IQCM: variants seen among roughly 807,000 people sequenced by gnomAD.
The protein encoded by IQCM is IQ motif containing M, also known as IQ domain-containing protein M.
Under a neutral mutation model 57.6 loss-of-function variants are expected in IQCM, and 45 were observed. The ratio of observed to expected loss-of-function variants is 0.78; its 90% confidence interval spans 0.62 to 1.00. The LOEUF is 1.00. Among genes scored for constraint, IQCM ranks in the 50% least tolerant of loss-of-function variants. IQCM has a pLI of 0.00. For missense variants in IQCM, 468 were observed against 511.6 expected (o/e 0.91, Z 0.82); for synonymous variants, 148 against 158.9 (o/e 0.93, Z 0.51).
At chr4:149,639,203 G>A (rs1343714225) in intron 7 of IQCM, among the ~76,000 whole-genome samples, 1 of 152,158 alleles carries the variant, frequency 6.6e-6, no homozygotes, top group Non-Finnish European at 1.5e-5. Context: ...AAGACAGGAG[G>A]ATCGCTTGAG....
chr4:149,351,969 C>T lies in IQCM; in HGVS notation c.1488G>A (p.Lys496=). The change falls in exon 14 of 14, where the codon AAG becomes AAA. Residue 496 remains lysine, a synonymous_variant. Coordinates refer to ENST00000636793, the MANE Select transcript of IQCM (RefSeq NM_001363507.2). The part of the protein sequence containing the change: ...IRERKMRQHY[K]SCKVE ...GGAAACATCATTCAACTTTACATGACTTATAATGTTGTCTCATTTTCCTTT... is the reference window on the plus strand; with the variant it reads ...GGAAACATCATTCAACTTTACATGATTTATAATGTTGTCTCATTTTCCTTT... The T allele has an allele frequency of 2.5e-6, 1 of 398,942 alleles. No individual in the cohort carries two copies. The highest frequency in any genetic ancestry group is 4.4e-5 in the Admixed American group (1 of 22,734). The allele number at this position is 398,942 out of a possible 1,614,324, so 24.7% of individuals were successfully genotyped here.
In IQCM at chr4:149,499,912, C is replaced by A. The variant is rs370321798; in HGVS notation, c.1228+48543G>T. On this transcript the variant is annotated intron_variant, in intron 12 of 13. Coordinates refer to ENST00000636793, the MANE Select transcript of IQCM (RefSeq NM_001363507.2). ...GAATACCTCAGAAACTGCCTCAAGA[C>A]TACGCAAGTTCTTGTGTCTGACCCT... 3.3e-5 allele frequency among the ~76,000 whole-genome samples: 5 copies of A among 152,168 alleles called. No individual in the cohort carries two copies. The East Asian group carries it at 9.6e-4, about 29-fold the overall frequency.
chr4:149,759,696 A>T (rs1484331019), intron 2 of IQCM, among the ~76,000 whole-genome samples: 2 of 152,196 alleles, frequency 1.3e-5, no homozygotes, highest in Admixed American at 6.5e-5. Flanking sequence ...AAGGGAAATT[A>T]TGAAATATTT....
intron 2 of IQCM, among the ~76,000 whole-genome samples, chr4:149,809,289 C>T (rs926879758): frequency 3.3e-5 from 5 of 151,560 alleles, no homozygotes; most frequent in East Asian, 3.9e-4. Context: ...TTGAAAAATA[C>T]GATTTTCAGA....
At chr4:149,585,147 C>G (rs936988091) in intron 9 of IQCM, among the ~76,000 whole-genome samples, 1 of 151,618 alleles carries the variant, frequency 6.6e-6, no homozygotes, top group Non-Finnish European at 1.5e-5. Context: ...TTTACTGTAG[C>G]CTGGCAATAG....
At position 149,449,170 on chromosome 4, in the gene IQCM, TC is replaced by T. The variant is rs572863941; in HGVS notation, c.1229-15614del. 6.7e-4 allele frequency among the ~76,000 whole-genome samples: 95 copies of T among 141,700 alleles called. 2 individuals carry two copies. The South Asian group carries it at 0.02, about 29-fold the overall frequency. 93.0% of individuals were successfully genotyped at this position (141,700 alleles called of 152,430 possible). A position where few individuals can be genotyped will look rare whatever the true frequency, so the allele number is the denominator to read the frequency against. ...TGCAATAGAAGGCTCCACCAACTGT[TC>T]CCCCCCAACCCGCCACCCCCCACCA... On this transcript the variant is annotated intron_variant, in intron 12 of 13. Transcript: ENST00000636793.
chr4:149,734,811 C>T (rs1766784001), intron 4 of IQCM, among the ~76,000 whole-genome samples: 2 of 152,114 alleles, frequency 1.3e-5, no homozygotes, highest in African/African-American at 4.8e-5. Context: ...TTCCCTTTCA[C>T]TCCTTCTTCT....
chr4:149,490,744 C>T (rs1403278236), intron 12 of IQCM, among the ~76,000 whole-genome samples: 1 of 152,052 alleles, frequency 6.6e-6, no homozygotes, highest in Non-Finnish European at 1.5e-5. Context: ...CTCTTCCCAC[C>T]AGCAACCATC....
chr4:149,529,340 C>T (rs1033507791), intron 12 of IQCM, among the ~76,000 whole-genome samples: 3 of 152,198 alleles, frequency 2.0e-5, no homozygotes, highest in Non-Finnish European at 4.4e-5. Context: ...GCTGGGATTA[C>T]AGGCGTGAGC....
intron 12 of IQCM, among the ~76,000 whole-genome samples, chr4:149,542,149 G>A (rs1440688218): frequency 3.3e-5 from 5 of 151,954 alleles, no homozygotes; most frequent in African/African-American, 9.7e-5. Flanking sequence ...TAGCTGGATG[G>A]AGCAATATAA....
chr4:149,646,215 T>A (rs1758621300), intron 7 of IQCM, among the ~76,000 whole-genome samples: 1 of 152,200 alleles, frequency 6.6e-6, no homozygotes, highest in Admixed American at 6.5e-5. Flanking sequence ...CTTTATATTA[T>A]ACTTCCCCTT....
In IQCM at chr4:149,498,797, C is replaced by G. The variant is rs540749614; in HGVS notation, c.1228+49658G>C. Reference sequence around the variant, plus strand: ...TGGCACAGGTGAGTGAAGGAACACACAGGCCATGCTCACTTTCCCACCATG... The same window carrying G: ...TGGCACAGGTGAGTGAAGGAACACAGAGGCCATGCTCACTTTCCCACCATG... On this transcript the variant is annotated intron_variant, in intron 12 of 13. Coordinates refer to ENST00000636793, the MANE Select transcript of IQCM (RefSeq NM_001363507.2). Among the ~76,000 whole-genome samples the G allele has an allele frequency of 3.9e-5, 6 of 152,292 alleles. No individual in the cohort carries two copies. The South Asian group carries it at 1.2e-3, about 32-fold the overall frequency.
At chr4:149,535,004 T>C (rs1182434339) in intron 12 of IQCM, among the ~76,000 whole-genome samples, 4 of 152,096 alleles carry the variant, frequency 2.6e-5, no homozygotes. Context: ...CTTCACAGCA[T>C]GGAAGCATCA....
intron 12 of IQCM, among the ~76,000 whole-genome samples, chr4:149,490,783 AT>A (rs1742009150): frequency 6.6e-6 from 1 of 152,052 alleles, no homozygotes; most frequent in Non-Finnish European, 1.5e-5. Context: ...TTAACAAAAT[AT>A]TACCTACTTC....
chr4:149,527,846 A>T (rs1480756655), intron 12 of IQCM, among the ~76,000 whole-genome samples: 3 of 152,198 alleles, frequency 2.0e-5, no homozygotes, highest in Non-Finnish European at 4.4e-5. Context: ...TTCTGAGACA[A>T]TGTTCAAAGA....
chr4:149,492,335 A>T (rs558346785), intron 12 of IQCM, among the ~76,000 whole-genome samples: 1 of 152,236 alleles, frequency 6.6e-6, no homozygotes, highest in African/African-American at 2.4e-5. Context: ...AAAGATTATG[A>T]CCTAAAACAT....
intron 12 of IQCM, among the ~76,000 whole-genome samples, chr4:149,494,297 C>T (rs1270015898): frequency 6.6e-6 from 1 of 151,958 alleles, no homozygotes; most frequent in African/African-American, 2.4e-5. Context: ...GTCTGTGCAA[C>T]AAATAAGGGA....
intron 12 of IQCM, among the ~76,000 whole-genome samples, chr4:149,482,190 G>A (rs1009098247): frequency 6.6e-6 from 1 of 151,866 alleles, no homozygotes; most frequent in African/African-American, 2.4e-5. Context: ...GAAGTCTGTA[G>A]GCTTTTCCAA....
chr4:149,578,448 G>C (rs1751864418), intron 9 of IQCM, among the ~76,000 whole-genome samples: 1 of 151,756 alleles, frequency 6.6e-6, no homozygotes, highest in African/African-American at 2.4e-5. Context: ...CAGTGGCACA[G>C]TGACCAGAGT....
Sources: gnomAD v4.1 joint callset for allele counts (sites outside exome capture counted in the v4.1 genomes callset) on GRCh38, gnomAD v4.1.1 for gene constraint, MANE v1.5 for transcripts, NCBI Gene and HGNC (gene_info 2026-07-23, HGNC 2026-07-21) for gene names.